LIN52: variants seen among roughly 807,000 people sequenced by gnomAD.
The protein encoded by LIN52 is lin-52 DREAM MuvB core complex component, also known as protein lin-52 homolog.
A neutral mutation model predicts 18.5 loss-of-function variants in LIN52; 4 were observed. The observed-to-expected ratio is 0.22, with a 90% confidence interval of 0.11 to 0.49. The LOEUF is 0.49. Ranked by LOEUF, LIN52 falls within the 20% of genes least tolerant of loss-of-function variation. The pLI is 0.97. For missense variants in LIN52, 102 were observed against 139.5 expected (o/e 0.73, Z 1.35); for synonymous variants, 34 against 45.5 (o/e 0.75, Z 1.02).
chr14:74,118,678 G>C (rs1237322033), intron 5 of LIN52, among the ~76,000 whole-genome samples: 2 of 152,156 alleles, frequency 1.3e-5, no homozygotes, highest in Non-Finnish European at 2.9e-5. Context: ...GGAGGCTGAG[G>C]TGGGAGGATC....
chr14:74,197,182 A>C (rs1490337652), intron 5 of LIN52, among the ~76,000 whole-genome samples: 1 of 152,186 alleles, frequency 6.6e-6, no homozygotes, highest in Non-Finnish European at 1.5e-5. Flanking sequence ...AAAGGAAGGA[A>C]ACTAACATTT....
intron 5 of LIN52, among the ~76,000 whole-genome samples, chr14:74,128,696 C>A (rs2061042231): frequency 6.6e-6 from 1 of 152,138 alleles, no homozygotes; most frequent in Non-Finnish European, 1.5e-5. Context: ...AATCCCAGCA[C>A]TTTGGGAGGC....
Position 74,198,868 on chromosome 14 carries a change from T to A in LIN52, c.284-54T>A, listed in dbSNP as rs927138832. On this transcript the variant is annotated intron_variant, in intron 5 of 5. Coordinates refer to ENST00000555028, the MANE Select transcript of LIN52 (RefSeq NM_001024674.3). ...TTTTTAAATTAAATCTTCCTATGATTCTTTTTTCCGATTTTAGGTTTTCAT... is the reference window on the plus strand; with the variant it reads ...TTTTTAAATTAAATCTTCCTATGATACTTTTTTCCGATTTTAGGTTTTCAT... 4 of 1,286,022 alleles carry A rather than the reference T, an allele frequency of 3.1e-6. No individual in the cohort carries two copies. In the African/African-American group the frequency reaches 5.9e-5, roughly 19 times the overall value. 79.7% of individuals were successfully genotyped at this position (1,286,022 alleles called of 1,614,324 possible).
chr14:74,124,257 TGTA>T (rs2061015348), intron 5 of LIN52, among the ~76,000 whole-genome samples: 2 of 152,236 alleles, frequency 1.3e-5, no homozygotes, highest in South Asian at 4.1e-4. Context: ...GTAATAAAGA[TGTA>T]GTACATCTAC....
At chr14:74,095,900 TGAG>T in intron 2 of LIN52, 45 bp from the exon 3 acceptor site, 1 of 1,251,514 alleles carries the variant, frequency 8.0e-7, no homozygotes, top group Non-Finnish European at 1.2e-6. Flanking sequence ...CTTCTATGCC[TGAG>T]CAATCATACT....
chr14:74,124,957 G>T (rs2061020546), intron 5 of LIN52, among the ~76,000 whole-genome samples: 1 of 151,936 alleles, frequency 6.6e-6, no homozygotes, highest in Admixed American at 6.6e-5. Context: ...GTGTCCAAGG[G>T]CATTATCAAT....
intron 5 of LIN52, among the ~76,000 whole-genome samples, chr14:74,144,358 C>G (rs2061145347): frequency 6.6e-6 from 1 of 151,916 alleles, no homozygotes; most frequent in Non-Finnish European, 1.5e-5. Context: ...AACTCCTGGG[C>G]TCAATCAATC....
intron 5 of LIN52, among the ~76,000 whole-genome samples, chr14:74,183,103 CT>C (rs71303902): frequency 1.9e-4 from 15 of 77,308 alleles, no homozygotes; most frequent in Admixed American, 3.4e-4. Context: ...CTCTCTCTCT[CT>C]TTTTTTTTTT....
At chr14:74,172,776 A>G (rs1311712279) in intron 5 of LIN52, among the ~76,000 whole-genome samples, 1 of 152,246 alleles carries the variant, frequency 6.6e-6, no homozygotes, top group Admixed American at 6.5e-5. Context: ...GTTCTGCTCA[A>G]ATAGCCACAC....
At chr14:74,118,442 A>G (rs2060977011) in intron 5 of LIN52, among the ~76,000 whole-genome samples, 1 of 152,220 alleles carries the variant, frequency 6.6e-6, no homozygotes, top group Non-Finnish European at 1.5e-5. Flanking sequence ...TCATAAAATT[A>G]ACACTCCCCT....
intron 5 of LIN52, among the ~76,000 whole-genome samples, chr14:74,179,700 G>T (rs117933475): frequency 3.9e-4 from 58 of 150,520 alleles, no homozygotes; most frequent in Admixed American, 6.0e-4. Context: ...CTAATTCTTC[G>T]GCTAAATGTT....
In LIN52 at chr14:74,198,988, C is replaced by G. The variant is rs370591367; in HGVS notation, c.*11C>G. 4.2e-4 allele frequency: 668 copies of G among 1,602,236 alleles called. No homozygotes were observed. The highest frequency in any genetic ancestry group is 5.5e-4 in the Admixed American group (33 of 59,980). On this transcript the variant is annotated 3_prime_UTR_variant, in exon 6 of 6. Coordinates refer to ENST00000555028, the MANE Select transcript of LIN52 (RefSeq NM_001024674.3). ...AAGCCCAAGAAGTAGCAGCTGCTTG[C>G]GGACAGGATGTCCTGGGGTCCGAAA...
intron 5 of LIN52, among the ~76,000 whole-genome samples, chr14:74,165,096 T>A (rs933403277): frequency 1.2e-4 from 18 of 151,772 alleles, no homozygotes; most frequent in Admixed American, 3.3e-4. Flanking sequence ...CAAAAAAAAA[T>A]GTGCAAGTAA....
At chr14:74,125,997 C>T (rs1226421906) in intron 5 of LIN52, among the ~76,000 whole-genome samples, 1 of 150,404 alleles carries the variant, frequency 6.6e-6, no homozygotes, top group African/African-American at 2.5e-5. Context: ...ATGTAACTAA[C>T]CTGCACGTTG....
chr14:74,175,370 G>A (rs886206922), intron 5 of LIN52, among the ~76,000 whole-genome samples: 1 of 151,834 alleles, frequency 6.6e-6, no homozygotes, highest in Non-Finnish European at 1.5e-5. Context: ...CACTTTGGGA[G>A]GCCAAGGTGG....
intron 5 of LIN52, among the ~76,000 whole-genome samples, chr14:74,122,590 G>T (rs1288023646): frequency 1.3e-5 from 2 of 152,152 alleles, no homozygotes; most frequent in Admixed American, 6.5e-5. Flanking sequence ...ACCTGTCCGG[G>T]TGCAGTGGCT....
chr14:74,175,136 A>G (rs2061287306), intron 5 of LIN52, among the ~76,000 whole-genome samples: 1 of 151,914 alleles, frequency 6.6e-6, no homozygotes, highest in South Asian at 2.1e-4. Context: ...AGTGAATATG[A>G]AAGCCTAGGA....
At chr14:74,174,442 A>G (rs2061283754) in intron 5 of LIN52, 1 of 152,310 alleles carries the variant, frequency 6.6e-6, no homozygotes, top group Non-Finnish European at 1.5e-5. Flanking sequence ...AAGGTAGAGT[A>G]AAGATACAGT....
chr14:74,194,645 A>G (rs990282596), intron 5 of LIN52, among the ~76,000 whole-genome samples: 6 of 152,188 alleles, frequency 3.9e-5, no homozygotes, highest in Non-Finnish European at 5.9e-5. Context: ...GACAGTTTCA[A>G]TTGTGGCTTT....
Sources: allele counts gnomAD v4.1 joint callset (sites outside exome capture counted in the v4.1 genomes callset), GRCh38; gene constraint gnomAD v4.1.1; transcripts MANE v1.5; gene names NCBI Gene and HGNC (gene_info 2026-07-23, HGNC 2026-07-21).